Variants in FARS2 observed in about 807,000 individuals in gnomAD.
FARS2 encodes phenylalanine--tRNA ligase, mitochondrial.
A neutral mutation model predicts 46.4 loss-of-function variants in FARS2; 40 were observed. That is an observed-to-expected ratio of 0.86 (90% CI 0.67 to 1.12). FARS2 has a LOEUF of 1.12. Ranked by LOEUF, FARS2 falls within the 50% of genes most tolerant of loss-of-function variation. FARS2 has a pLI of 0.00. For synonymous variants in FARS2, 234 were observed against 214.9 expected (o/e 1.09, Z -0.78); for missense variants, 513 against 567.9 (o/e 0.90, Z 0.98).
intron 1 of FARS2, among the ~76,000 whole-genome samples, chr6:5,328,705 A>G (rs1045780206): frequency 6.6e-5 from 10 of 152,086 alleles, no homozygotes; most frequent in African/African-American, 2.4e-4. Flanking sequence ...GTTGACTTTT[A>G]AGATTTCAAG....
intron 1 of FARS2, among the ~76,000 whole-genome samples, chr6:5,295,430 T>C (rs1245831694): frequency 1.3e-5 from 2 of 152,156 alleles, no homozygotes; most frequent in African/African-American, 4.8e-5. Context: ...AGGGCTAAAA[T>C]TGGCTTTGAA....
intron 3 of FARS2, among the ~76,000 whole-genome samples, chr6:5,422,810 A>C (rs1762629272): frequency 6.6e-6 from 1 of 152,228 alleles, no homozygotes; most frequent in African/African-American, 2.4e-5. Context: ...TTTTATTAAA[A>C]AGTGAGATGT....
chr6:5,380,300 A>G (rs1445288259), intron 2 of FARS2, among the ~76,000 whole-genome samples: 1 of 152,216 alleles, frequency 6.6e-6, no homozygotes, highest in Non-Finnish European at 1.5e-5. Context: ...TACATTCTAC[A>G]TTTGTTGTTG....
intron 5 of FARS2, among the ~76,000 whole-genome samples, chr6:5,578,181 T>C (rs1773099108): frequency 6.6e-6 from 1 of 152,180 alleles, no homozygotes; most frequent in Middle Eastern, 3.2e-3. Context: ...TGAATAATGG[T>C]TAAGCCCTCT....
intron 6 of FARS2, among the ~76,000 whole-genome samples, chr6:5,669,865 C>G (rs1183534546): frequency 6.6e-6 from 1 of 152,154 alleles, no homozygotes; most frequent in Non-Finnish European, 1.5e-5. Context: ...TTAAGCACCC[C>G]TTCTGCCTGC....
At chr6:5,442,700 G>A (rs1258781287) in intron 4 of FARS2, among the ~76,000 whole-genome samples, 1 of 152,122 alleles carries the variant, frequency 6.6e-6, no homozygotes, top group Admixed American at 6.5e-5. Flanking sequence ...CTCGGTGACA[G>A]TTTCCCTTGG....
chr6:5,766,511 C>T lies in FARS2; in HGVS notation c.1218-4780C>T, dbSNP rs180964129. Among the ~76,000 whole-genome samples the T allele has an allele frequency of 2.6e-5, 4 of 152,372 alleles. No homozygotes were observed. The East Asian group carries it at 7.7e-4, about 29-fold the overall frequency. ...AGCCAGAGAGGAGCATGGGCTCATT[C>T]CATCTCATTTTTTAACAGAACAGTT... is the stretch of plus-strand genomic sequence containing the variant. On this transcript the variant is annotated intron_variant, in intron 6 of 6. Coordinates refer to ENST00000274680, the MANE Select transcript of FARS2 (RefSeq NM_006567.5).
intron 4 of FARS2, among the ~76,000 whole-genome samples, chr6:5,506,325 G>A (rs901318438): frequency 6.6e-6 from 1 of 152,188 alleles, no homozygotes; most frequent in Admixed American, 6.5e-5. Context: ...TCTAACGGAA[G>A]TTTTTTAGCA....
intron 1 of FARS2, among the ~76,000 whole-genome samples, chr6:5,284,812 G>C (rs79222118): frequency 0.027 from 4,117 of 152,258 alleles, 160 homozygotes; most frequent in African/African-American, 0.091. Context: ...CCTCCTCTCA[G>C]CGCTTCTGTC....
At chr6:5,322,374 T>C (rs1296918072) in intron 1 of FARS2, among the ~76,000 whole-genome samples, 1 of 152,222 alleles carries the variant, frequency 6.6e-6, no homozygotes, top group Non-Finnish European at 1.5e-5. Flanking sequence ...TGCCAACGTA[T>C]AGAAAAGTTG....
intron 6 of FARS2, among the ~76,000 whole-genome samples, chr6:5,712,979 C>T (rs1451085308): frequency 6.6e-6 from 1 of 152,232 alleles, no homozygotes; most frequent in African/African-American, 2.4e-5. Flanking sequence ...ATCCTTCCAT[C>T]TGATAAGCTT....
intron 6 of FARS2, among the ~76,000 whole-genome samples, chr6:5,751,030 C>T (rs1022227697): frequency 2.0e-5 from 3 of 152,112 alleles, no homozygotes; most frequent in African/African-American, 7.2e-5. Context: ...TTTTGGGGGG[C>T]TGGGCCGGAA....
At position 5,672,528 on chromosome 6, in the gene FARS2, A is replaced by G. The variant is rs970402761; in HGVS notation, c.1217+59208A>G. 1.6e-4 allele frequency among the ~76,000 whole-genome samples: 25 copies of G among 152,330 alleles called. 1 individual carries two copies. The highest frequency in any genetic ancestry group is 5.3e-4 in the African/African-American group (22 of 41,582). On this transcript the variant is annotated intron_variant, in intron 6 of 6. Coordinates refer to ENST00000274680, the MANE Select transcript of FARS2 (RefSeq NM_006567.5). The stretch of plus-strand genomic sequence containing the variant: ...CAAGCTGTGATATAAAAAGTAAACC[A>G]TGGGTTACATAACTTCAGGGGCAGG...
At chr6:5,480,102 C>T (rs1011028770) in intron 4 of FARS2, among the ~76,000 whole-genome samples, 3 of 152,224 alleles carry the variant, frequency 2.0e-5, no homozygotes, top group African/African-American at 4.8e-5. Context: ...TTTTTATCAA[C>T]GACTTTGATG....
intron 4 of FARS2, among the ~76,000 whole-genome samples, chr6:5,508,205 T>C (rs943916383): frequency 5.9e-5 from 9 of 152,204 alleles, no homozygotes; most frequent in African/African-American, 2.2e-4. Flanking sequence ...TATAAACCAT[T>C]AAGTGCAGTG....
At chr6:5,591,337 A>G (rs1274920147) in intron 5 of FARS2, among the ~76,000 whole-genome samples, 5 of 152,192 alleles carry the variant, frequency 3.3e-5, no homozygotes, top group African/African-American at 1.2e-4. Flanking sequence ...AGCTTTCTGT[A>G]TTTGAGAGTT....
chr6:5,750,052 G>T (rs779656765), intron 6 of FARS2, among the ~76,000 whole-genome samples: 1 of 152,194 alleles, frequency 6.6e-6, no homozygotes, highest in Non-Finnish European at 1.5e-5. Context: ...CCAGGTGCTG[G>T]AGATGCATGT....
intron 4 of FARS2, among the ~76,000 whole-genome samples, chr6:5,494,824 C>T (rs1039582563): frequency 1.3e-5 from 2 of 152,160 alleles, no homozygotes; most frequent in Non-Finnish European, 2.9e-5. Flanking sequence ...TCCCCTAGAG[C>T]TAGTTCAAGG....
intron 5 of FARS2, among the ~76,000 whole-genome samples, chr6:5,593,910 C>T (rs767586824): frequency 2.0e-5 from 3 of 152,150 alleles, no homozygotes; most frequent in Non-Finnish European, 4.4e-5. Context: ...TAGCAGGTGG[C>T]TGAACACACA....
Sources: allele counts gnomAD v4.1 joint callset (sites outside exome capture counted in the v4.1 genomes callset), GRCh38; gene constraint gnomAD v4.1.1; transcripts MANE v1.5; gene names NCBI Gene and HGNC (gene_info 2026-07-23, HGNC 2026-07-21).